NLRC5: variants seen among roughly 807,000 people sequenced by gnomAD.
The protein encoded by NLRC5 is NLR family CARD domain containing 5, also known as protein NLRC5.
A neutral mutation model predicts 206.9 loss-of-function variants in NLRC5; 114 were observed. The ratio of observed to expected loss-of-function variants is 0.55; its 90% CI spans 0.47 to 0.64. The LOEUF is 0.64. NLRC5 is among the 30% of genes least tolerant of loss of function. NLRC5 has a pLI of 0.00. For synonymous variants in NLRC5, 952 were observed against 962.8 expected (o/e 0.99, Z 0.21); for missense variants, 2,008 against 2,305.5 (o/e 0.87, Z 2.64).
chr16:56,997,905 C>A (rs2057804270), intron 1 of NLRC5, among the ~76,000 whole-genome samples: 1 of 152,186 alleles, frequency 6.6e-6, no homozygotes, highest in South Asian at 2.1e-4. Context: ...AACAGCTCCA[C>A]AATTCCCTGT....
chr16:56,995,263 A>G (rs553315075), intron 1 of NLRC5, among the ~76,000 whole-genome samples: 3 of 152,204 alleles, frequency 2.0e-5, no homozygotes, highest in Non-Finnish European at 4.4e-5. Context: ...CAGAGCTCCC[A>G]GGAGAGGCCA....
At chr16:57,047,869 A>C (rs1597348555) in intron 23 of NLRC5, 1 of 558,660 alleles carries the variant, frequency 1.8e-6, no homozygotes. Flanking sequence ...CTTCACCTGC[A>C]CCATCCACTC....
chr16:57,061,516 A>C lies in NLRC5; in HGVS notation c.4055A>C (p.Gln1352Pro), dbSNP rs1178279030. 6.2e-7 allele frequency: 1 copy of C among 1,610,252 alleles called. No individual in the cohort carries two copies. Among genetic ancestry groups the C allele is most frequent in the Non-Finnish European group, 8.5e-7 (1 of 1,180,012 alleles). The change falls in exon 31 of 49, where the codon CAG becomes CCG. Residue 1352 changes from glutamine to proline, a missense_variant. By Grantham distance (76) the Gln-to-Pro change is moderately conservative (BLOSUM62 -1). Transcript: ENST00000688547. ...GCCACCGGCTTGAGCAAGTCCCTGC[A>C]GCTGACGGAGCTCACGTGAGTGACC... is the stretch of plus-strand genomic sequence containing the variant. ...RLATGLSKSL[Q>P]LTELTLTQCC...
intron 6 of NLRC5, 58 bp downstream of exon 6, chr16:57,027,076 CA>C (rs1246415502): frequency 3.2e-6 from 5 of 1,558,002 alleles, no homozygotes; most frequent in African/African-American, 2.7e-5. Flanking sequence ...GAGCAGAGGC[CA>C]ACCAGTCTAG....
intron 43 of NLRC5, 89 bp downstream of exon 43, chr16:57,078,109 G>A: frequency 9.0e-7 from 1 of 1,105,942 alleles, no homozygotes; most frequent in Non-Finnish European, 1.3e-6. Flanking sequence ...CATCAGTTGA[G>A]CTGCCCTGCC....
chr16:57,066,425 G>A (rs1225229409), intron 33 of NLRC5, 109 bp from the exon 34 acceptor site: 4 of 897,626 alleles, frequency 4.5e-6, no homozygotes, highest in African/African-American at 3.3e-5. Flanking sequence ...GGGGAGAAGG[G>A]GACCCAGGCA....
rs187744206 is a variant in NLRC5, at chr16:57,051,400, C to G, written c.3423-138C>G. 5.8e-5 allele frequency: 41 copies of G among 702,384 alleles called. No individual in the cohort carries two copies. In the African/African-American group the frequency reaches 6.9e-4, roughly 12 times the overall value. 43.5% of individuals were successfully genotyped at this position (702,384 alleles called of 1,614,324 possible). ...CTCTTCTTCCAGCCTCACGGATAAC[C>G]CATGGACCCAGTGCTGGGAGGGAAT... On this transcript the variant is annotated intron_variant, in intron 23 of 48. Coordinates refer to ENST00000688547, the MANE Select transcript of NLRC5 (RefSeq NM_001384950.1).
At chr16:57,021,085 C>A in intron 3 of NLRC5, 78 bp downstream of exon 3, 1 of 1,341,384 alleles carries the variant, frequency 7.5e-7, no homozygotes, top group Admixed American at 1.9e-5. Context: ...CCCAGGGACC[C>A]ACCTAAGTCA....
At chr16:57,029,952 G>A in intron 9 of NLRC5, 43 bp from the exon 10 acceptor site, 4 of 1,609,082 alleles carry the variant, frequency 2.5e-6, no homozygotes, top group Non-Finnish European at 3.4e-6. Context: ...GGGCCCCTGG[G>A]GTAGGGGATT....
intron 25 of NLRC5, 52 bp from the exon 26 acceptor site, chr16:57,054,980 G>A (rs2065418197): frequency 6.2e-7 from 1 of 1,608,368 alleles, no homozygotes; most frequent in Non-Finnish European, 8.5e-7. Context: ...CCCCGTGGGG[G>A]CATCCTGAGG....
At chr16:57,075,005 CTTTTTTTTTTTTTTTTTTTTTTTTTTTT>C (rs77796033) in intron 39 of NLRC5, among the ~76,000 whole-genome samples, 2 of 58,066 alleles carry the variant, frequency 3.4e-5, no homozygotes, top group African/African-American at 7.0e-5. Flanking sequence ...CTAGACTGTG[CTTTTTTTTTTTTTTTTTTTTTTTTTTTT>C]TTTTTTTTTT....
At chr16:57,030,932 C>T (rs2061806890) in intron 10 of NLRC5, among the ~76,000 whole-genome samples, 1 of 152,080 alleles carries the variant, frequency 6.6e-6, no homozygotes, top group African/African-American at 2.4e-5. Context: ...AACATAGTCT[C>T]TACAAAAAAT....
chr16:57,078,112 G>A (rs1324006263), intron 43 of NLRC5, 92 bp downstream of exon 43: 1 of 1,060,556 alleles, frequency 9.4e-7, no homozygotes, highest in Non-Finnish European at 1.3e-6. Flanking sequence ...CAGTTGAGCT[G>A]CCCTGCCCCA....
intron 32 of NLRC5, 128 bp downstream of exon 32, chr16:57,061,829 A>C (rs757376703): frequency 3.5e-5 from 53 of 1,535,056 alleles, no homozygotes; most frequent in Non-Finnish European, 4.6e-5. Context: ...TGCCATCTGG[A>C]CCCTGAGCAA....
intron 32 of NLRC5, chr16:57,062,198 T>C (rs60812088): frequency 0.061 from 30,359 of 497,274 alleles, 1,355 homozygotes; most frequent in East Asian, 0.14. Context: ...TCATAATCCA[T>C]CACTCCTAAA....
intron 2 of NLRC5, 39 bp downstream of exon 2, chr16:57,017,227 C>T (rs1276082847): frequency 6.5e-6 from 1 of 152,686 alleles, no homozygotes; most frequent in Non-Finnish European, 1.5e-5. Context: ...CCTCTTTTCC[C>T]CTCCTATCTA....
At chr16:57,076,016 C>T (rs7203263) in intron 39 of NLRC5, 21 of 186,408 alleles carry the variant, frequency 1.1e-4, no homozygotes, top group Non-Finnish European at 2.3e-4. Flanking sequence ...TGGGTTCAAG[C>T]GATTCTGGTG....
chr16:57,002,726 C>T (rs550976561), intron 1 of NLRC5, among the ~76,000 whole-genome samples: 2 of 148,994 alleles, frequency 1.3e-5, no homozygotes, highest in African/African-American at 5.0e-5. Context: ...ACTGCAACCT[C>T]TGCCTCCTGG....
At position 57,041,978 on chromosome 16, in the gene NLRC5, C is replaced by T. The variant is rs1193484107; in HGVS notation, c.3030-4C>T. On this transcript the variant is annotated splice_polypyrimidine_tract_variant and splice_region_variant and intron_variant, in intron 18 of 48. Coordinates refer to ENST00000688547, the MANE Select transcript of NLRC5 (RefSeq NM_001384950.1). ...GTTCTCCCCTCCCTTCTCCCCACCC[C>T]CAGCTTCTCAGGCAATGCTCTGGGG... The T allele has an allele frequency of 1.3e-6, 2 of 1,565,658 alleles. No individual in the cohort carries two copies. Among genetic ancestry groups the T allele is most frequent in the African/African-American group, 1.4e-5 (1 of 72,472 alleles).
Sources: allele counts gnomAD v4.1 joint callset (sites outside exome capture counted in the v4.1 genomes callset), GRCh38; gene constraint gnomAD v4.1.1; transcripts MANE v1.5; gene names NCBI Gene and HGNC (gene_info 2026-07-23, HGNC 2026-07-21).